VIPAS39: variants seen among roughly 807,000 people sequenced by gnomAD.
VIPAS39 encodes the protein spermatogenesis-defective protein 39 homolog.
In VIPAS39, 63 loss-of-function variants were observed where a neutral mutation model predicts 84.7. The observed-to-expected ratio is 0.74, with a 90% CI of 0.61 to 0.92. The LOEUF (loss-of-function observed/expected upper bound fraction) is 0.92. Among genes scored for constraint, VIPAS39 ranks in the 40% least tolerant of loss-of-function variants. The pLI is 0.00. For synonymous variants in VIPAS39, 192 were observed against 216.5 expected, an observed-to-expected ratio of 0.89 and a Z score of 0.99; for missense variants, 499 against 604.5, an observed-to-expected ratio of 0.83 and a Z score of 1.83.
Position 77,457,030 on chromosome 14 carries a change from A to G in VIPAS39, c.-1+465T>C. On this transcript the variant is annotated intron_variant, in intron 1 of 19. Coordinates refer to ENST00000557658, the MANE Select transcript of VIPAS39 (RefSeq NM_001193315.2). Reference sequence around the variant, plus strand: ...GAGAACAGGAACTTTACAAAGGAAAACAGAAGAATCAGCAAGAAAACCACA... The same window carrying G: ...GAGAACAGGAACTTTACAAAGGAAAGCAGAAGAATCAGCAAGAAAACCACA... The G allele has an allele frequency of 3.8e-6, 5 of 1,311,576 alleles. No homozygotes were observed. The South Asian group carries it at 8.4e-5, about 22-fold the overall frequency. 81.2% of individuals were successfully genotyped at this position (1,311,576 alleles called of 1,614,324 possible).
intron 4 of VIPAS39, 44 bp downstream of exon 4, chr14:77,451,142 GA>G (rs36002896): frequency 6.2e-7 from 1 of 1,613,532 alleles, no homozygotes; most frequent in Non-Finnish European, 8.5e-7. Flanking sequence ...GATTTTTCTG[GA>G]AAAAGAGAAG....
rs963283 is a variant in VIPAS39, at chr14:77,435,113, C to A, written c.1047+146G>T. On this transcript the variant is annotated intron_variant, in intron 14 of 19. Coordinates refer to ENST00000557658, the MANE Select transcript of VIPAS39 (RefSeq NM_001193315.2). ...TCCTGGCCAGATGAGGCCCTCTTAC[C>A]CCTGGTGAGGGCCAGGAAAGCTTCC... 0.51 allele frequency: 658,773 copies of A among 1,281,608 alleles called. 178,716 individuals are homozygous for A. Among genetic ancestry groups the A allele is most frequent in the East Asian group, 0.94 (40,163 of 42,840 alleles). The allele number at this position is 1,281,608 out of a possible 1,614,324, so 79.4% of individuals were successfully genotyped here.
intron 7 of VIPAS39, among the ~76,000 whole-genome samples, chr14:77,447,912 T>A (rs1432197179): frequency 2.0e-5 from 3 of 151,950 alleles, no homozygotes; most frequent in African/African-American, 7.2e-5. Flanking sequence ...TCTGCCTGCC[T>A]TGGCCTCCCA....
At chr14:77,448,449 C>A (rs779912695) in intron 7 of VIPAS39, 45 bp downstream of exon 7, 2 of 1,585,564 alleles carry the variant, frequency 1.3e-6, no homozygotes, top group Non-Finnish European at 1.7e-6. Flanking sequence ...TGTGAACAAG[C>A]TGCCCAGCTT....
chr14:77,438,178 G>A (rs1330226209), intron 11 of VIPAS39, among the ~76,000 whole-genome samples: 1 of 151,766 alleles, frequency 6.6e-6, no homozygotes, highest in Non-Finnish European at 1.5e-5. Context: ...GAACTCAACA[G>A]CTACATGTGA....
intron 8 of VIPAS39, among the ~76,000 whole-genome samples, chr14:77,443,528 T>A (rs2078735917): frequency 6.6e-6 from 1 of 151,710 alleles, no homozygotes; most frequent in Non-Finnish European, 1.5e-5. Context: ...GCAGGGAGAT[T>A]ACTTGAGCCC....
rs947539399 is a variant in VIPAS39, at chr14:77,449,441, T to C, written c.383-84A>G. The C allele has an allele frequency of 4.5e-6, 7 of 1,555,316 alleles. No individual in the cohort carries two copies. In the African/African-American group the frequency reaches 8.1e-5, roughly 18 times the overall value. ...TCCCTCTACTTCTTCGTTCTCACAT[T>C]TTTTTGACTTGTGGGCTCCCAATGT... On this transcript the variant is annotated intron_variant, in intron 5 of 19. Transcript: ENST00000557658.
intron 8 of VIPAS39, among the ~76,000 whole-genome samples, chr14:77,443,751 TG>T (rs2078739604): frequency 6.6e-6 from 1 of 151,824 alleles, no homozygotes; most frequent in African/African-American, 2.4e-5. Context: ...AAAAATTAGC[TG>T]GGCATGGTGG....
Position 77,449,701 on chromosome 14 carries a change from G to A in VIPAS39, c.382+13C>T, listed in dbSNP as rs1462600654. 3 of 1,614,012 alleles carry A rather than the reference G, an allele frequency of 1.9e-6. No individual in the cohort carries two copies. The highest frequency in any genetic ancestry group is 2.7e-5 in the African/African-American group (2 of 74,922). Reference sequence around the variant, plus strand: ...CATTTCCCACAGCAATTAAAAGAGGGTTCAATGCCTACCATCAGAAAGGGA... The same window carrying A: ...CATTTCCCACAGCAATTAAAAGAGGATTCAATGCCTACCATCAGAAAGGGA... On this transcript the variant is annotated intron_variant, in intron 5 of 19. Transcript: ENST00000557658.
chr14:77,457,081 C>G (rs1333080340), intron 1 of VIPAS39: 1 of 1,394,484 alleles, frequency 7.2e-7, no homozygotes, highest in Admixed American at 3.1e-5. Flanking sequence ...CAGAAAACTC[C>G]AAAAACCACC....
intron 8 of VIPAS39, among the ~76,000 whole-genome samples, chr14:77,443,872 CAA>C (rs11341918): frequency 0.01 from 1,061 of 102,376 alleles, 13 homozygotes; most frequent in Middle Eastern, 0.047. Flanking sequence ...GACTCCATCT[CAA>C]AAAAAAAAAA....
At chr14:77,438,226 A>ATTTT (rs34877078) in intron 11 of VIPAS39, among the ~76,000 whole-genome samples, 1 of 132,020 alleles carries the variant, frequency 7.6e-6, no homozygotes, top group Non-Finnish European at 1.7e-5. Context: ...AATATGGAAA[A>ATTTT]TTTTTTTTTT....
Position 77,437,838 on chromosome 14 carries a change from T to C in VIPAS39, c.806A>G (p.Lys269Arg), listed in dbSNP as rs766284221. ...ACAGGTTTTAAGAAATTCTTTTCGT[T>C]TGTCAGGGTCCTGAATGTTCAAATG... ...REHLNIQDPDKRKEFLKTCVG... is the reference protein window; with the variant it reads ...REHLNIQDPDRRKEFLKTCVG... The change falls in exon 12 of 20, where the codon AAA becomes AGA. Residue 269 changes from lysine (K) to arginine (R), a missense_variant. Physicochemically the swap from Lys to Arg is conservative, Grantham distance 26. Coordinates refer to ENST00000557658, the MANE Select transcript of VIPAS39 (RefSeq NM_001193315.2). 8.7e-6 allele frequency: 14 copies of C among 1,614,158 alleles called. No individual in the cohort carries two copies. The South Asian group carries it at 1.5e-4, about 18-fold the overall frequency.
chr14:77,439,119 A>G (rs1384904356), intron 11 of VIPAS39, among the ~76,000 whole-genome samples: 1 of 152,214 alleles, frequency 6.6e-6, no homozygotes, highest in Non-Finnish European at 1.5e-5. Context: ...GTGGGCATAC[A>G]CTAAAAGTGT....
chr14:77,452,083 G>A (rs1335461157), intron 3 of VIPAS39, among the ~76,000 whole-genome samples: 1 of 151,970 alleles, frequency 6.6e-6, no homozygotes, highest in Non-Finnish European at 1.5e-5. Context: ...CAGTGGGCTG[G>A]CTAAAAAATG....
At chr14:77,441,307 T>C in intron 10 of VIPAS39, 1 of 539,968 alleles carries the variant, frequency 1.9e-6, no homozygotes. Context: ...ACTAATAACT[T>C]TGTTAACAGT....
chr14:77,455,162 G>T (rs527547398), intron 1 of VIPAS39, among the ~76,000 whole-genome samples: 3 of 152,236 alleles, frequency 2.0e-5, no homozygotes, highest in African/African-American at 7.2e-5. Flanking sequence ...ATTCAATTTT[G>T]CCCTGCAAAA....
At position 77,427,591 on chromosome 14, in the gene VIPAS39, C is replaced by G. The variant is rs1333523204; in HGVS notation, c.*25G>C. 1.2e-6 allele frequency: 2 copies of G among 1,613,982 alleles called. No homozygotes were observed. The highest frequency in any genetic ancestry group is 1.7e-6 in the Non-Finnish European group (2 of 1,180,000). On this transcript the variant is annotated 3_prime_UTR_variant, in exon 20 of 20. Coordinates refer to ENST00000557658, the MANE Select transcript of VIPAS39 (RefSeq NM_001193315.2). Reference sequence around the variant, plus strand: ...ACAGGCAGGAGAGGAGGAAATGAGGCAGGCTTCAAGGTAGTCAATGCCACT... The same window carrying G: ...ACAGGCAGGAGAGGAGGAAATGAGGGAGGCTTCAAGGTAGTCAATGCCACT...
At chr14:77,454,413 G>A (rs1464276355) in intron 1 of VIPAS39, among the ~76,000 whole-genome samples, 5 of 152,172 alleles carry the variant, frequency 3.3e-5, no homozygotes, top group Admixed American at 3.3e-4. Context: ...AGTGGCTCAG[G>A]CCTTTAATCC....
Sources: gnomAD v4.1 joint callset for allele counts (sites outside exome capture counted in the v4.1 genomes callset) on GRCh38, gnomAD v4.1.1 for gene constraint, MANE v1.5 for transcripts, NCBI Gene and HGNC (gene_info 2026-07-23, HGNC 2026-07-21) for gene names.